The following MACROD2 variants were observed in gnomAD, a reference collection of about 807,000 sequenced individuals.
The protein encoded by MACROD2 is ADP-ribose glycohydrolase MACROD2.
A neutral mutation model predicts 70.4 loss-of-function variants in MACROD2; 36 were observed. That is an observed-to-expected ratio of 0.51 (90% CI 0.39 to 0.68). The LOEUF (loss-of-function observed/expected upper bound fraction) is 0.68, where lower values mean the gene tolerates loss of function less well. MACROD2 is among the 30% of genes least tolerant of loss of function. The probability of loss-of-function intolerance (pLI) is 0.00; values close to 1 mark genes in which losing one functional copy is unlikely to be tolerated. For missense variants in MACROD2, 496 were observed against 538.4 expected, an observed-to-expected ratio of 0.92 and a Z score of 0.78; for synonymous variants, 172 against 178.8, an observed-to-expected ratio of 0.96 and a Z score of 0.30.
At chr20:14,949,603 C>G (rs1280297560) in intron 5 of MACROD2, among the ~76,000 whole-genome samples, 1 of 152,168 alleles carries the variant, frequency 6.6e-6, no homozygotes, top group Non-Finnish European at 1.5e-5. Context: ...AATCTGATTG[C>G]CTGGTGAATT....
chr20:14,750,234 TC>T, intron 5 of MACROD2, among the ~76,000 whole-genome samples: 1 of 152,108 alleles, frequency 6.6e-6, no homozygotes, highest in Non-Finnish European at 1.5e-5. Flanking sequence ...TCATATAAAC[TC>T]ATTTGAGATG....
chr20:14,087,770 G>A (rs1387215063), intron 3 of MACROD2, among the ~76,000 whole-genome samples: 2 of 151,996 alleles, frequency 1.3e-5, no homozygotes, highest in Non-Finnish European at 2.9e-5. Flanking sequence ...GTTTTAATAA[G>A]ATATCACTAT....
chr20:14,325,373 C>T (rs2082716963), intron 3 of MACROD2: 3 of 529,348 alleles, frequency 5.7e-6, no homozygotes, highest in East Asian at 3.1e-5. Flanking sequence ...TCAATCGCAG[C>T]AGTAACCTGA....
intron 8 of MACROD2, among the ~76,000 whole-genome samples, chr20:15,596,909 C>T (rs73900010): frequency 0.011 from 1,724 of 152,214 alleles, 35 homozygotes; most frequent in African/African-American, 0.038. Flanking sequence ...CATATTTTCC[C>T]GGCTTAATAG....
In MACROD2 at chr20:14,777,638, G is replaced by T. The variant is rs6105322; in HGVS notation, c.418+92679G>T. ...TAACACAAATATGGGCTAGAGTGGCGCCAGAGAACAAAAAAGAAACAACTA... is the reference window on the plus strand; with the variant it reads ...TAACACAAATATGGGCTAGAGTGGCTCCAGAGAACAAAAAAGAAACAACTA... On this transcript the variant is annotated intron_variant, in intron 5 of 17. Transcript: ENST00000684519. 5.9e-5 allele frequency among the ~76,000 whole-genome samples: 9 copies of T among 152,028 alleles called. No homozygotes were observed. In the East Asian group the frequency reaches 1.4e-3, roughly 23 times the overall value.
intron 10 of MACROD2, among the ~76,000 whole-genome samples, chr20:15,923,156 T>C (rs2065436762): frequency 6.6e-6 from 1 of 152,116 alleles, no homozygotes; most frequent in Non-Finnish European, 1.5e-5. Context: ...CTAGACCAAT[T>C]GTATTAGTCT....
At chr20:15,513,912 A>T (rs1433811807) in intron 8 of MACROD2, among the ~76,000 whole-genome samples, 1 of 152,222 alleles carries the variant, frequency 6.6e-6, no homozygotes. Flanking sequence ...CATTCTTTTC[A>T]CCTAGTGATG....
intron 3 of MACROD2, among the ~76,000 whole-genome samples, chr20:14,276,146 TA>T (rs1165948527): frequency 6.6e-6 from 1 of 152,130 alleles, no homozygotes; most frequent in African/African-American, 2.4e-5. Flanking sequence ...CAAAGGACTG[TA>T]AATCATGCTG....
At chr20:14,257,324 AT>A (rs1450199801) in intron 3 of MACROD2, among the ~76,000 whole-genome samples, 1 of 152,290 alleles carries the variant, frequency 6.6e-6, no homozygotes, top group East Asian at 1.9e-4. Context: ...AATTCTTTAT[AT>A]AGATGTCAGA....
chr20:14,826,726 T>A (rs1680447882), intron 5 of MACROD2, among the ~76,000 whole-genome samples: 1 of 152,120 alleles, frequency 6.6e-6, no homozygotes, highest in South Asian at 2.1e-4. Context: ...GCATCCTGAT[T>A]AATTCACTGT....
At chr20:14,462,819 AG>A (rs2084388220) in intron 3 of MACROD2, among the ~76,000 whole-genome samples, 1 of 152,020 alleles carries the variant, frequency 6.6e-6, no homozygotes, top group Non-Finnish European at 1.5e-5. Flanking sequence ...TGTTTTTGTT[AG>A]GTTTGTCAAA....
intron 5 of MACROD2, among the ~76,000 whole-genome samples, chr20:15,055,596 G>A (rs2075478439): frequency 6.6e-6 from 1 of 152,096 alleles, no homozygotes; most frequent in South Asian, 2.1e-4. Context: ...TGGGAGGCGG[G>A]GATGGGAAGG....
intron 10 of MACROD2, among the ~76,000 whole-genome samples, chr20:15,929,000 T>G (rs973047066): frequency 6.6e-6 from 1 of 152,148 alleles, no homozygotes; most frequent in Non-Finnish European, 1.5e-5. Flanking sequence ...AATAAACATG[T>G]GTATTAATCA....
intron 2 of MACROD2, among the ~76,000 whole-genome samples, chr20:14,061,799 G>C (rs1183777047): frequency 6.6e-6 from 1 of 152,146 alleles, no homozygotes; most frequent in Non-Finnish European, 1.5e-5. Flanking sequence ...TAAGCTGATA[G>C]CTCTTACTTT....
At chr20:15,568,164 C>T (rs1032746136) in intron 8 of MACROD2, among the ~76,000 whole-genome samples, 6 of 152,202 alleles carry the variant, frequency 3.9e-5, no homozygotes, top group African/African-American at 9.7e-5. Context: ...CCTACCATTT[C>T]TCTATCATGG....
intron 5 of MACROD2, among the ~76,000 whole-genome samples, chr20:14,918,160 G>A (rs982256453): frequency 1.3e-5 from 2 of 152,082 alleles, no homozygotes; most frequent in African/African-American, 2.4e-5. Flanking sequence ...TATTTTTGTA[G>A]GGATGGGTTT....
intron 3 of MACROD2, among the ~76,000 whole-genome samples, chr20:14,278,312 A>C (rs549879119): frequency 6.6e-6 from 1 of 152,244 alleles, no homozygotes; most frequent in South Asian, 2.1e-4. Context: ...CACTGACAAC[A>C]CAGTCTTTGT....
At chr20:14,595,102 CAAAT>C (rs999809600) in intron 4 of MACROD2, among the ~76,000 whole-genome samples, 15 of 152,158 alleles carry the variant, frequency 9.9e-5, no homozygotes, top group African/African-American at 3.6e-4. Flanking sequence ...ATTCAACAAT[CAAAT>C]AAACAACTCA....
At chr20:15,272,950 C>A (rs962229641) in intron 6 of MACROD2, among the ~76,000 whole-genome samples, 1 of 152,150 alleles carries the variant, frequency 6.6e-6, no homozygotes, top group Non-Finnish European at 1.5e-5. Context: ...GGAAGAATTA[C>A]GTTTGCTCAT....
Sources: allele counts gnomAD v4.1 joint callset (sites outside exome capture counted in the v4.1 genomes callset), GRCh38; gene constraint gnomAD v4.1.1; transcripts MANE v1.5; gene names NCBI Gene and HGNC (gene_info 2026-07-23, HGNC 2026-07-21).